NOTCH1: variants seen among roughly 807,000 people sequenced by gnomAD.
NOTCH1 encodes neurogenic locus notch homolog protein 1.
NOTCH1 carries 37 observed loss-of-function variants against 254.8 expected under a neutral mutation model. The observed-to-expected ratio is 0.15, with a 90% CI of 0.11 to 0.19. NOTCH1 has a LOEUF of 0.19. NOTCH1 is among the 10% of genes least tolerant of loss of function. The pLI, the probability that NOTCH1 is intolerant of heterozygous loss-of-function variation, is 1.00. For synonymous variants in NOTCH1, 1,731 were observed against 1,618.1 expected (o/e 1.07, Z -1.68); for missense variants, 2,972 against 3,708.6 (o/e 0.80, Z 5.16).
chr9:136,503,387 C>A (rs568173619), intron 26 of NOTCH1, 57 bp from the exon 27 acceptor site: 1 of 1,610,048 alleles, frequency 6.2e-7, no homozygotes, highest in African/African-American at 1.3e-5. Flanking sequence ...CCCCGCCCAC[C>A]GGCCAGGGAT....
intron 13 of NOTCH1, 105 bp downstream of exon 13, chr9:136,514,405 C>T: frequency 1.5e-6 from 2 of 1,293,680 alleles, no homozygotes; most frequent in Admixed American, 4.0e-5. Flanking sequence ...CCGTCCGAGG[C>T]CCGTTTCTGG....
At chr9:136,542,708 C>A (rs1337242456) in intron 2 of NOTCH1, among the ~76,000 whole-genome samples, 2 of 150,092 alleles carry the variant, frequency 1.3e-5, no homozygotes, top group African/African-American at 4.9e-5. Flanking sequence ...GCTGGGCAGT[C>A]GGCACAGGCA....
chr9:136,533,562 C>T (rs922144882), intron 2 of NOTCH1, among the ~76,000 whole-genome samples: 2 of 152,212 alleles, frequency 1.3e-5, no homozygotes, highest in African/African-American at 2.4e-5. Context: ...CTCGACGGCC[C>T]GGCAAGCCCA....
intron 3 of NOTCH1, 104 bp downstream of exon 3, chr9:136,523,613 G>C (rs2133378563): frequency 1.4e-6 from 2 of 1,446,494 alleles, no homozygotes; most frequent in Non-Finnish European, 1.9e-6. Context: ...ATTACTTCCG[G>C]GTCAGAGACC....
chr9:136,510,774 G>A lies in NOTCH1; in HGVS notation c.2619C>T (p.Cys873=), dbSNP rs375714105. ...CGCCGTGCCGGCACGGGCTCAGAAC[G>A]CACTCGTTGATGTCGACCTCACAGG... is the stretch of plus-strand genomic sequence containing the variant. ...GQTCEVDINE[C]VLSPCRHGAS... The change falls in exon 17 of 34, where the codon TGC becomes TGT. Residue 873 remains cysteine (C), a synonymous_variant. Coordinates refer to ENST00000651671, the MANE Select transcript of NOTCH1 (RefSeq NM_017617.5). 32 of 1,610,054 alleles carry A rather than the reference G, an allele frequency of 2.0e-5. No homozygotes were observed. The Admixed American group carries it at 2.3e-4, about 12-fold the overall frequency.
intron 18 of NOTCH1, among the ~76,000 whole-genome samples, chr9:136,509,462 C>T (rs555720232): frequency 2.6e-4 from 40 of 152,320 alleles, no homozygotes; most frequent in African/African-American, 8.9e-4. Context: ...GAAACAAGAA[C>T]GGACAGAGTT....
intron 26 of NOTCH1, 64 bp downstream of exon 26, chr9:136,504,609 G>T: frequency 1.4e-6 from 2 of 1,426,350 alleles, no homozygotes. Flanking sequence ...GAGGGGCAGG[G>T]AGGCCGTCGG....
chr9:136,517,358 T>A lies in NOTCH1; in HGVS notation c.1469A>T (p.Asn490Ile). 1 of 1,607,426 alleles carries A rather than the reference T, an allele frequency of 6.2e-7. No homozygotes were observed. Among genetic ancestry groups the A allele is most frequent in the Non-Finnish European group, 8.5e-7 (1 of 1,177,524 alleles). Reference sequence around the variant, plus strand: ...GGGGCTGCTGGCACACTCGTCTGTGTTGACCTCGCAGTGCACACCCTCGTA... The same window carrying A: ...GGGGCTGCTGGCACACTCGTCTGTGATGACCTCGCAGTGCACACCCTCGTA... Reference protein sequence around the residue: ...PGYEGVHCEVNTDECASSPCL... With the variant: ...PGYEGVHCEVITDECASSPCL... Residue 490 changes from asparagine (N) to isoleucine (I), a missense_variant, in exon 9 of 34, where the codon AAC (asparagine) becomes ATC (isoleucine). Asn to Ile is a moderately radical substitution (Grantham distance 149). Transcript: ENST00000651671.
In NOTCH1 at chr9:136,496,492, TGTG is replaced by T. The variant is rs762336270; in HGVS notation, c.7244_7246del (p.Pro2415del). The T allele has an allele frequency of 2.6e-5, 41 of 1,601,598 alleles. No individual in the cohort carries two copies. Among genetic ancestry groups the T allele is most frequent in the Non-Finnish European group, 3.0e-5 (35 of 1,179,638 alleles). ...TGCTGAGCTCACGCCAAGGTGCGGC[TGTG>T]GTGGTGGTGGTGGCGGCTGCAGGCT... On this transcript the variant is annotated inframe_deletion, in exon 34 of 34. Coordinates refer to ENST00000651671, the MANE Select transcript of NOTCH1 (RefSeq NM_017617.5).
At chr9:136,512,331 G>A (rs557736136) in intron 15 of NOTCH1, among the ~76,000 whole-genome samples, 29 of 152,324 alleles carry the variant, frequency 1.9e-4, no homozygotes, top group Non-Finnish European at 3.7e-4. Flanking sequence ...CCTGGCCCAG[G>A]CAGGCCCTCC....
At position 136,506,504 on chromosome 9, in the gene NOTCH1, C is replaced by A; in HGVS notation, c.4014+23G>T. On this transcript the variant is annotated intron_variant, in intron 24 of 33. Transcript: ENST00000651671. This position sits in a 1 kb window ranked among gnomAD's most constrained non-coding sequence, Gnocchi z 4.5. ...AGGTGTCTCCCCTGGCGGGCCCCTGCCTCCCTGCACCCCTGCACCTACCGC... is the reference window on the plus strand; with the variant it reads ...AGGTGTCTCCCCTGGCGGGCCCCTGACTCCCTGCACCCCTGCACCTACCGC... The A allele has an allele frequency of 1.3e-6, 2 of 1,560,602 alleles. No homozygotes were observed. The highest frequency in any genetic ancestry group is 1.7e-6 in the Non-Finnish European group (2 of 1,153,246).
intron 4 of NOTCH1, chr9:136,522,558 G>T (rs555937868): frequency 4.4e-6 from 2 of 453,090 alleles, no homozygotes; most frequent in Non-Finnish European, 7.8e-6. Context: ...GCAAGTCAGG[G>T]TGCCTGCACT....
chr9:136,497,384 C>T lies in NOTCH1; in HGVS notation c.6355G>A (p.Val2119Met). ...IVRLLDEYNL[V>M]RSPQLHGAPL... is the part of the protein sequence containing the mutation. Reference sequence around the variant, plus strand: ...GCTCCGTGCAGCTGCGGGCTGCGCACCAGGTTGTACTCGTCCAGCAGCCTC... The same window carrying T: ...GCTCCGTGCAGCTGCGGGCTGCGCATCAGGTTGTACTCGTCCAGCAGCCTC... The change falls in exon 34 of 34, where the codon GTG (valine) becomes ATG (methionine). Residue 2119 changes from valine to methionine, a missense_variant. Around this residue, in one of 8 missense-constraint regions of NOTCH1, gnomAD observed 529 missense variants for 529.2 expected, o/e 1.00. Coordinates refer to ENST00000651671, the MANE Select transcript of NOTCH1 (RefSeq NM_017617.5). The T allele has an allele frequency of 6.2e-7, 1 of 1,609,478 alleles. No individual in the cohort carries two copies. The highest frequency in any genetic ancestry group is 8.5e-7 in the Non-Finnish European group (1 of 1,179,688).
At chr9:136,527,418 C>T (rs753899557) in intron 2 of NOTCH1, among the ~76,000 whole-genome samples, 5 of 152,336 alleles carry the variant, frequency 3.3e-5, no homozygotes, top group African/African-American at 7.2e-5. Context: ...GCGAGGTGGG[C>T]GCCAGGGCTT....
chr9:136,515,710 G>C lies in NOTCH1; in HGVS notation c.1676C>G (p.Thr559Arg), dbSNP rs376055493. 1 of 1,539,152 alleles carries C rather than the reference G, an allele frequency of 6.5e-7. No individual in the cohort carries two copies. The highest frequency in any genetic ancestry group is 8.7e-7 in the Non-Finnish European group (1 of 1,148,248). Reference sequence around the variant, plus strand: ...GATGTCCACCTCGCAGTGCGTCCCCGTGTACCCTGGACCGTGGGAGGGGCG... The same window carrying C: ...GATGTCCACCTCGCAGTGCGTCCCCCTGTACCCTGGACCGTGGGAGGGGCG... ...TYTCVCTEGY[T>R]GTHCEVDIDE... The change falls in exon 11 of 34, where the codon ACG becomes AGG. Residue 559 changes from threonine (T) to arginine (R), a missense_variant. Around this residue, in one of 8 missense-constraint regions of NOTCH1, gnomAD observed 128 missense variants for 193.8 expected, o/e 0.66. Transcript: ENST00000651671.
intron 2 of NOTCH1, 131 bp from the exon 3 acceptor site, chr9:136,524,110 A>G (rs1344611958): frequency 8.2e-7 from 1 of 1,216,264 alleles, no homozygotes; most frequent in South Asian, 1.3e-5. Context: ...ACGGCTGCTT[A>G]GCGGGGTTCC....
At chr9:136,511,038 C>T (rs752143139) in intron 16 of NOTCH1, 114 bp downstream of exon 16, 61 of 1,527,736 alleles carry the variant, frequency 4.0e-5, no homozygotes, top group Middle Eastern at 2.2e-4. Context: ...AGGGCCTCCT[C>T]AGCACCCACC....
At chr9:136,523,613 G>A in intron 3 of NOTCH1, 104 bp downstream of exon 3, 2 of 1,446,494 alleles carry the variant, frequency 1.4e-6, no homozygotes, top group South Asian at 1.3e-5. Context: ...ATTACTTCCG[G>A]GTCAGAGACC....
At chr9:136,498,866 A>G (rs1174726974) in intron 33 of NOTCH1, 33 bp downstream of exon 33, 2 of 1,609,710 alleles carry the variant, frequency 1.2e-6, no homozygotes, top group Non-Finnish European at 1.7e-6. Flanking sequence ...TTCAGCCCTC[A>G]CGTCTCCCCT....
Sources: gnomAD v4.1 joint callset for allele counts (sites outside exome capture counted in the v4.1 genomes callset) on GRCh38, gnomAD v4.1.1 for gene constraint, gnomAD v4.1.1 regional missense constraint, Gnocchi (gnomAD v3.1) non-coding constraint, MANE v1.5 for transcripts, NCBI Gene and HGNC (gene_info 2026-07-23, HGNC 2026-07-21) for gene names.